The following ABTB3 variants were observed in gnomAD, a reference collection of about 807,000 sequenced individuals.
ABTB3 encodes ankyrin repeat and BTB domain containing 3, also known as ankyrin repeat- and BTB/POZ domain-containing protein 3.
the ABTB3 span, among the ~76,000 whole-genome samples, chr12:107,654,963 T>C: frequency 6.6e-6 from 1 of 151,914 alleles, no homozygotes; most frequent in Non-Finnish European, 1.5e-5. Flanking sequence ...GAGGGCTCTC[T>C]CTCTCTCTGT....
chr12:107,469,952 CTTTCTT>C, the ABTB3 span, among the ~76,000 whole-genome samples: 129 of 60,638 alleles, frequency 2.1e-3, 13 homozygotes, highest in African/African-American at 7.3e-3. Context: ...CTCTTTCTTT[CTTTCTT>C]TCTTTCTTTC....
chr12:107,651,732 T>C, the ABTB3 span: 1 of 1,614,188 alleles, frequency 6.2e-7, no homozygotes, highest in Non-Finnish European at 8.5e-7. Flanking sequence ...TGTGAGATTA[T>C]CTGTGCGAAA....
At chr12:107,386,596 C>G in the ABTB3 span, among the ~76,000 whole-genome samples, 1 of 152,134 alleles carries the variant, frequency 6.6e-6, no homozygotes, top group African/African-American at 2.4e-5. Context: ...TTTTGGGTGA[C>G]TTTTCTAGAG....
chr12:107,576,999 A>G, the ABTB3 span, among the ~76,000 whole-genome samples: 2 of 152,172 alleles, frequency 1.3e-5, no homozygotes, highest in Admixed American at 6.5e-5. Context: ...GGCTTTTCCA[A>G]TAGAATCGAA....
chr12:107,493,178 G>A, the ABTB3 span, among the ~76,000 whole-genome samples: 1 of 152,280 alleles, frequency 6.6e-6, no homozygotes, highest in East Asian at 1.9e-4. Flanking sequence ...GAGCACTGGG[G>A]GGCCTCCCCA....
chr12:107,399,988 T>A, the ABTB3 span, among the ~76,000 whole-genome samples: 1 of 152,210 alleles, frequency 6.6e-6, no homozygotes, highest in Non-Finnish European at 1.5e-5. Flanking sequence ...GTTTCCAGCT[T>A]CATCCATGTC....
At chr12:107,321,713 A>G in the ABTB3 span, among the ~76,000 whole-genome samples, 1 of 152,084 alleles carries the variant, frequency 6.6e-6, no homozygotes, top group African/African-American at 2.4e-5. Context: ...GCGGGGATTC[A>G]CCTGCAAAAC....
At chr12:107,561,172 T>A in the ABTB3 span, among the ~76,000 whole-genome samples, 1 of 152,156 alleles carries the variant, frequency 6.6e-6, no homozygotes, top group Non-Finnish European at 1.5e-5. Flanking sequence ...ATTAGTCCCT[T>A]ACATAGAATC....
chr12:107,642,041 T>C, the ABTB3 span: 2 of 1,555,732 alleles, frequency 1.3e-6, no homozygotes, highest in Non-Finnish European at 1.8e-6. Flanking sequence ...TTGTGAGCCA[T>C]GGATTTGTGT....
the ABTB3 span, among the ~76,000 whole-genome samples, chr12:107,339,202 C>T: frequency 6.6e-6 from 1 of 152,168 alleles, no homozygotes; most frequent in African/African-American, 2.4e-5. Flanking sequence ...CCATAGTGGG[C>T]CTTTCTGGAG....
chr12:107,609,498 G>A, the ABTB3 span, among the ~76,000 whole-genome samples: 3 of 152,088 alleles, frequency 2.0e-5, no homozygotes, highest in African/African-American at 4.8e-5. Flanking sequence ...TGATCTTGCC[G>A]GTTCTCTGTC....
At chr12:107,419,152 A>T in the ABTB3 span, among the ~76,000 whole-genome samples, 1 of 152,224 alleles carries the variant, frequency 6.6e-6, no homozygotes, top group Non-Finnish European at 1.5e-5. Flanking sequence ...TGATCACATG[A>T]TGGGCCAGGG....
At chr12:107,451,623 C>T in the ABTB3 span, among the ~76,000 whole-genome samples, 5 of 152,112 alleles carry the variant, frequency 3.3e-5, no homozygotes, top group Non-Finnish European at 5.9e-5. Context: ...GAATCTTACC[C>T]CTGCCTGGTT....
At chr12:107,331,075 T>G in the ABTB3 span, among the ~76,000 whole-genome samples, 58 of 152,306 alleles carry the variant, frequency 3.8e-4, no homozygotes, top group African/African-American at 1.2e-3. Flanking sequence ...CATTGTTCCT[T>G]CCTAATCCCA....
chr12:107,526,333 C>T, the ABTB3 span, among the ~76,000 whole-genome samples: 2 of 152,118 alleles, frequency 1.3e-5, no homozygotes, highest in Admixed American at 1.3e-4. Flanking sequence ...AGGAAATTTG[C>T]CAGGTGATGG....
the ABTB3 span, among the ~76,000 whole-genome samples, chr12:107,611,367 G>T: frequency 6.6e-6 from 1 of 152,076 alleles, no homozygotes; most frequent in African/African-American, 2.4e-5. Flanking sequence ...TTTTTATAGA[G>T]ACAGGGTCTT....
the ABTB3 span, among the ~76,000 whole-genome samples, chr12:107,332,572 G>A: frequency 6.6e-6 from 1 of 152,162 alleles, no homozygotes; most frequent in African/African-American, 2.4e-5. Context: ...CAGAAATCAT[G>A]GAAGATGACT....
At chr12:107,538,318 C>T in the ABTB3 span, among the ~76,000 whole-genome samples, 3 of 152,204 alleles carry the variant, frequency 2.0e-5, no homozygotes, top group Non-Finnish European at 4.4e-5. Flanking sequence ...CCTCACTTTC[C>T]TCATTTGTGA....
At chr12:107,632,308 G>T in the ABTB3 span, among the ~76,000 whole-genome samples, 1 of 152,160 alleles carries the variant, frequency 6.6e-6, no homozygotes. Context: ...CAGGAAATGG[G>T]TTCTTATTGC....
Sources: gnomAD v4.1 joint callset for allele counts (sites outside exome capture counted in the v4.1 genomes callset) on GRCh38, gnomAD v4.1.1 for gene constraint, MANE v1.5 for transcripts, NCBI Gene and HGNC (gene_info 2026-07-23, HGNC 2026-07-21) for gene names.